Variants in ABHD2 observed in about 807,000 individuals in gnomAD.
ABHD2 encodes the protein abhydrolase domain containing 2, acylglycerol lipase.
In ABHD2, 20 loss-of-function variants were observed where a neutral mutation model predicts 48.1. The ratio of observed to expected loss-of-function variants is 0.42; its 90% CI spans 0.29 to 0.60. The LOEUF (loss-of-function observed/expected upper bound fraction) is 0.60, where lower values mean the gene tolerates loss of function less well. Among genes scored for constraint, ABHD2 ranks in the 20% least tolerant of loss-of-function variants. The probability of loss-of-function intolerance (pLI) is 0.24; values close to 1 mark genes in which losing one functional copy is unlikely to be tolerated. For synonymous variants in ABHD2, 209 were observed against 214.2 expected, an observed-to-expected ratio of 0.98 and a Z score of 0.21; for missense variants, 405 against 550.9, an observed-to-expected ratio of 0.74 and a Z score of 2.65.
chr15:89,092,011 G>T lies in ABHD2; in HGVS notation c.-107+3448G>T, dbSNP rs1901615636. 6.6e-6 allele frequency among the ~76,000 whole-genome samples: 1 copy of T among 152,196 alleles called. No individual in the cohort carries two copies. ...GTAGGACATTTTTAAGCCCTGTGCT[G>T]CTGTTTCTTTGTTGATACCATACAG... On this transcript the variant is annotated intron_variant, in intron 1 of 10. Coordinates refer to ENST00000352732, the MANE Select transcript of ABHD2 (RefSeq NM_152924.5). This position sits in a 1 kb window ranked among gnomAD's most constrained non-coding sequence, Gnocchi z 4.4.
chr15:89,158,858 CT>C (rs997006512), intron 5 of ABHD2, among the ~76,000 whole-genome samples: 12 of 151,740 alleles, frequency 7.9e-5, no homozygotes, highest in Non-Finnish European at 1.2e-4. Context: ...GAGACAAGGT[CT>C]CACTATGTTG....
At chr15:89,085,212 A>C (rs1325583452), upstream of ABHD2, among the ~76,000 whole-genome samples, 1 of 152,056 alleles carries the variant, frequency 6.6e-6, no homozygotes, top group African/African-American at 2.4e-5. The surrounding 1 kb of genome is among the most constrained non-coding windows in gnomAD (Gnocchi z 4.2). Context: ...TGACTGGGGC[A>C]TACCCTCTCC....
the ABHD2 span, among the ~76,000 whole-genome samples, chr15:89,075,985 T>C: frequency 6.6e-6 from 1 of 152,216 alleles, no homozygotes; most frequent in Non-Finnish European, 1.5e-5. This position sits in a 1 kb window ranked among gnomAD's most constrained non-coding sequence, Gnocchi z 4.1. Context: ...TTGCCAGAAC[T>C]GTTCCAGTGG....
At chr15:89,069,304 T>A in the ABHD2 span, among the ~76,000 whole-genome samples, 1 of 151,860 alleles carries the variant, frequency 6.6e-6, no homozygotes, top group Non-Finnish European at 1.5e-5. Flanking sequence ...ATTAAGTAAA[T>A]TTTTTTAAAG....
chr15:89,133,149 T>C (rs1351251873), intron 3 of ABHD2, among the ~76,000 whole-genome samples: 1 of 152,224 alleles, frequency 6.6e-6, no homozygotes, highest in African/African-American at 2.4e-5. Flanking sequence ...TTGCCCTTGC[T>C]GTCAGTCGGC....
chr15:89,069,122 C>G, the ABHD2 span, among the ~76,000 whole-genome samples: 1 of 124,910 alleles, frequency 8.0e-6, no homozygotes, highest in African/African-American at 3.2e-5. Flanking sequence ...CTTTTCTTTT[C>G]TTTTTTTTTT....
chr15:89,188,273 C>A lies in ABHD2; in HGVS notation c.896C>A (p.Ser299Tyr). Residue 299 changes from serine to tyrosine, a missense_variant, in exon 8 of 11, where the codon TCC (serine) becomes TAC (tyrosine). Physicochemically the swap from Ser to Tyr is moderately radical, Grantham distance 144. Coordinates refer to ENST00000352732, the MANE Select transcript of ABHD2 (RefSeq NM_152924.5). The surrounding 1 kb of genome is among the most constrained non-coding windows in gnomAD (Gnocchi z 4.1). ...TDLSRLYTAT[S>Y]LMQIDDNVMR... ...TTGAGCCGGCTCTACACAGCAACAT[C>A]CCTGATGCAGATTGATGACAATGTG... The A allele has an allele frequency of 2.5e-6, 4 of 1,614,222 alleles. No individual in the cohort carries two copies. Among genetic ancestry groups the A allele is most frequent in the Non-Finnish European group, 3.4e-6 (4 of 1,180,038 alleles).
intron 1 of ABHD2, among the ~76,000 whole-genome samples, chr15:89,109,219 A>G (rs2049835272): frequency 6.6e-6 from 1 of 152,228 alleles, no homozygotes; most frequent in South Asian, 2.1e-4. Context: ...TCTGGTGGAA[A>G]TACCAGTCAA....
At chr15:89,071,930 G>A in the ABHD2 span, among the ~76,000 whole-genome samples, 1 of 152,184 alleles carries the variant, frequency 6.6e-6, no homozygotes, top group African/African-American at 2.4e-5. Context: ...TTTATTGTAG[G>A]GTGACCAACC....
chr15:89,066,220 TG>T, the ABHD2 span, among the ~76,000 whole-genome samples: 10 of 152,192 alleles, frequency 6.6e-5, no homozygotes, highest in Non-Finnish European at 1.5e-5. Flanking sequence ...CTCACAGTTC[TG>T]GAGGCTAGAA....
chr15:89,171,291 C>T (rs1443241147), intron 5 of ABHD2, among the ~76,000 whole-genome samples: 4 of 152,084 alleles, frequency 2.6e-5, no homozygotes, highest in Non-Finnish European at 4.4e-5. Context: ...CCTGCAAGCT[C>T]ATTGAGCCCC....
the ABHD2 span, among the ~76,000 whole-genome samples, chr15:89,062,460 C>T: frequency 6.6e-6 from 1 of 152,044 alleles, no homozygotes; most frequent in South Asian, 2.1e-4. Context: ...TCTTGGCTCA[C>T]GGTAGCCTTG....
chr15:89,146,889 C>A lies in ABHD2; in HGVS notation c.195-4788C>A, dbSNP rs943771471. On this transcript the variant is annotated intron_variant, in intron 3 of 10. Coordinates refer to ENST00000352732, the MANE Select transcript of ABHD2 (RefSeq NM_152924.5). This position sits in a 1 kb window ranked among gnomAD's most constrained non-coding sequence, Gnocchi z 4.2. ...AATATATATTTGTCGTGTTTCCAAT[C>A]AAAAATCTAAAATTTTTATAGAACT... Among the ~76,000 whole-genome samples, 2 of 152,026 alleles carry A rather than the reference C, an allele frequency of 1.3e-5. No homozygotes were observed. Among genetic ancestry groups the A allele is most frequent in the Non-Finnish European group, 2.9e-5 (2 of 67,994 alleles).
In ABHD2 at chr15:89,188,759, C is replaced by T. The variant is rs2051255784; in HGVS notation, c.926+456C>T. 6.6e-6 allele frequency among the ~76,000 whole-genome samples: 1 copy of T among 151,806 alleles called. No individual in the cohort carries two copies. The highest frequency in any genetic ancestry group is 6.6e-5 in the Admixed American group (1 of 15,248). ...GGGGGCAGTGTCTCATGCCTGTAAT[C>T]CTAGGAGGATTTGGGAGGTCATGGG... On this transcript the variant is annotated intron_variant, in intron 8 of 10. Coordinates refer to ENST00000352732, the MANE Select transcript of ABHD2 (RefSeq NM_152924.5). The surrounding 1 kb of genome is among the most constrained non-coding windows in gnomAD (Gnocchi z 4.1).
At chr15:89,171,041 G>A (rs1478305463) in intron 5 of ABHD2, among the ~76,000 whole-genome samples, 2 of 152,066 alleles carry the variant, frequency 1.3e-5, no homozygotes, top group African/African-American at 4.8e-5. Context: ...GTTTGAACCC[G>A]GGAGGCAGAG....
Position 89,195,157 on chromosome 15 carries a change from T to TCACCTGTCCTGGAGCTG in ABHD2, c.1082-65_1082-64insGTCCTGGAGCTGCACCT. 1 of 1,542,950 alleles carries TCACCTGTCCTGGAGCTG rather than the reference T, an allele frequency of 6.5e-7. No homozygotes were observed. The highest frequency in any genetic ancestry group is 1.2e-5 in the South Asian group (1 of 80,784). Reference sequence around the variant, plus strand: ...GGACAGCCAGGCTACCCTAGCCAGCTCACCTCTGCACCTCCTGTCCTGGAG... The same window carrying TCACCTGTCCTGGAGCTG: ...GGACAGCCAGGCTACCCTAGCCAGCTCACCTGTCCTGGAGCTGCACCTCTGCACCTCCTGTCCTGGAG... On this transcript the variant is annotated intron_variant, in intron 10 of 10. Transcript: ENST00000352732. This position sits in a 1 kb window ranked among gnomAD's most constrained non-coding sequence, Gnocchi z 5.1.
intron 3 of ABHD2, among the ~76,000 whole-genome samples, chr15:89,122,884 T>C (rs901950651): frequency 3.3e-5 from 5 of 152,148 alleles, no homozygotes; most frequent in Admixed American, 6.5e-5. Context: ...ACTTGGCTAA[T>C]AGGCCGAAAA....
chr15:89,068,980 G>A, the ABHD2 span, among the ~76,000 whole-genome samples: 5 of 151,392 alleles, frequency 3.3e-5, no homozygotes, highest in African/African-American at 1.2e-4. Context: ...TATTGGCCAG[G>A]CTGGTCTTGA....
the ABHD2 span, among the ~76,000 whole-genome samples, chr15:89,042,417 C>G: frequency 2.6e-5 from 4 of 152,280 alleles, no homozygotes; most frequent in East Asian, 7.7e-4. Flanking sequence ...CAAGTACACC[C>G]TCTCTGCTCC....
Sources: gnomAD v4.1 joint callset for allele counts (sites outside exome capture counted in the v4.1 genomes callset) on GRCh38, gnomAD v4.1.1 for gene constraint, Gnocchi (gnomAD v3.1) non-coding constraint, MANE v1.5 for transcripts, NCBI Gene and HGNC (gene_info 2026-07-23, HGNC 2026-07-21) for gene names.